TMEM132D: variants seen among roughly 807,000 people sequenced by gnomAD.
TMEM132D encodes the protein transmembrane protein 132D, also known as mature OL transmembrane protein.
Under a neutral mutation model 62.3 loss-of-function variants are expected in TMEM132D, and 21 were observed. The ratio of observed to expected loss-of-function variants is 0.34; its 90% CI spans 0.24 to 0.49. The LOEUF is 0.49. Ranked by LOEUF, TMEM132D falls within the 20% of genes least tolerant of loss-of-function variation. TMEM132D has a pLI of 0.99. For synonymous variants in TMEM132D, 621 were observed against 575.6 expected, an observed-to-expected ratio of 1.08 and a Z score of -1.13; for missense variants, 1,346 against 1,402.8, an observed-to-expected ratio of 0.96 and a Z score of 0.65.
intron 1 of TMEM132D, among the ~76,000 whole-genome samples, chr12:129,732,068 C>T (rs1014785591): frequency 1.3e-5 from 2 of 151,946 alleles, no homozygotes; most frequent in Middle Eastern, 6.3e-3. Flanking sequence ...GCTTCTAATT[C>T]GTAGACTCCT....
At chr12:129,623,476 T>A (rs1306373793) in intron 2 of TMEM132D, among the ~76,000 whole-genome samples, 5 of 152,070 alleles carry the variant, frequency 3.3e-5, no homozygotes, top group Non-Finnish European at 7.3e-5. Flanking sequence ...CCACTCTCTA[T>A]GACTTTGCAT....
intron 2 of TMEM132D, among the ~76,000 whole-genome samples, chr12:129,606,263 T>G (rs145416144): frequency 2.1e-4 from 32 of 152,268 alleles, no homozygotes; most frequent in African/African-American, 6.7e-4. Context: ...TCAAAGGGGC[T>G]TGGGGCAATT....
chr12:129,855,528 G>A (rs1176393948), intron 1 of TMEM132D, among the ~76,000 whole-genome samples: 24 of 19,560 alleles, frequency 1.2e-3, no homozygotes, highest in African/African-American at 5.0e-3. Context: ...AGAGTCCGGG[G>A]GAACGGGATG....
intron 1 of TMEM132D, among the ~76,000 whole-genome samples, chr12:129,896,140 T>TG (rs765861655): frequency 1.3e-5 from 2 of 150,516 alleles, no homozygotes; most frequent in Non-Finnish European, 2.9e-5. Flanking sequence ...TGGCTCATTT[T>TG]TTTTGTTTTG....
At chr12:129,706,190 C>T (rs558301849) in intron 1 of TMEM132D, among the ~76,000 whole-genome samples, 16 of 151,894 alleles carry the variant, frequency 1.1e-4, no homozygotes, top group Middle Eastern at 3.4e-3. Flanking sequence ...CTAAGATTCT[C>T]GAGCTGGCTC....
intron 2 of TMEM132D, among the ~76,000 whole-genome samples, chr12:129,649,434 A>T (rs781522287): frequency 6.6e-6 from 1 of 152,188 alleles, no homozygotes; most frequent in Non-Finnish European, 1.5e-5. Flanking sequence ...AAAATACGGC[A>T]TGAAATGAGA....
rs538178399 is a variant in TMEM132D, at chr12:129,316,802, T to C, written c.1299+20832A>G. 3.4e-5 allele frequency among the ~76,000 whole-genome samples: 5 copies of C among 146,326 alleles called. No homozygotes were observed. The East Asian group carries it at 9.6e-4, about 28-fold the overall frequency. On this transcript the variant is annotated intron_variant, in intron 4 of 8. Coordinates refer to ENST00000422113, the MANE Select transcript of TMEM132D (RefSeq NM_133448.3). ...CTATCTCATTTCTTAGGTCTATTAG[T>C]AATTGTTGTATAAATTTGGGAGCTC...
chr12:129,761,702 G>C (rs574884013), intron 1 of TMEM132D, among the ~76,000 whole-genome samples: 79 of 152,118 alleles, frequency 5.2e-4, no homozygotes, highest in Non-Finnish European at 9.9e-4. Context: ...CTTTCACAGG[G>C]GATTTGGGCT....
At chr12:129,266,486 TC>T (rs1880698422) in intron 4 of TMEM132D, among the ~76,000 whole-genome samples, 1 of 150,118 alleles carries the variant, frequency 6.7e-6, no homozygotes, top group African/African-American at 2.5e-5. Context: ...GCTCCTTCTC[TC>T]CCCTCTTTTT....
chr12:129,627,848 G>A (rs265617), intron 2 of TMEM132D, among the ~76,000 whole-genome samples: 34,234 of 151,890 alleles, frequency 0.23, 4,203 homozygotes, highest in Admixed American at 0.29. Context: ...TTAGCCGGGC[G>A]TGGTGGCGCA....
intron 5 of TMEM132D, among the ~76,000 whole-genome samples, chr12:129,086,201 CGTGTGTGTGT>C (rs1218792744): frequency 5.0e-5 from 7 of 141,038 alleles, no homozygotes; most frequent in African/African-American, 1.9e-4. Flanking sequence ...CACGCGCGCG[CGTGTGTGTGT>C]GTGTGTGTGT....
intron 3 of TMEM132D, among the ~76,000 whole-genome samples, chr12:129,354,949 T>C (rs1472369110): frequency 2.0e-5 from 3 of 152,214 alleles, no homozygotes; most frequent in Non-Finnish European, 4.4e-5. Flanking sequence ...TGTAGGGAAG[T>C]ATGTTATGCA....
intron 5 of TMEM132D, among the ~76,000 whole-genome samples, chr12:129,132,915 A>AC (rs1876420974): frequency 6.6e-6 from 1 of 152,066 alleles, no homozygotes; most frequent in Non-Finnish European, 1.5e-5. Flanking sequence ...AGCTGACTCC[A>AC]CTTCACTCCA....
chr12:129,624,468 G>A (rs985672660), intron 2 of TMEM132D, among the ~76,000 whole-genome samples: 1 of 152,200 alleles, frequency 6.6e-6, no homozygotes, highest in Admixed American at 6.5e-5. Flanking sequence ...CCCAGGTTAG[G>A]AGCTGTGTGG....
chr12:129,873,464 A>G (rs1019642051), intron 1 of TMEM132D, among the ~76,000 whole-genome samples: 4 of 152,228 alleles, frequency 2.6e-5, no homozygotes, highest in Non-Finnish European at 5.9e-5. Flanking sequence ...AACAAACAAT[A>G]GGAATTTAAG....
At chr12:129,772,660 C>T (rs1870794438) in intron 1 of TMEM132D, among the ~76,000 whole-genome samples, 1 of 152,152 alleles carries the variant, frequency 6.6e-6, no homozygotes, top group South Asian at 2.1e-4. Context: ...CTTTCATTTC[C>T]CCTGATAACA....
chr12:129,743,205 T>G (rs1869661482), intron 1 of TMEM132D, among the ~76,000 whole-genome samples: 1 of 152,224 alleles, frequency 6.6e-6, no homozygotes, highest in East Asian at 1.9e-4. Context: ...TTGTTCCTAA[T>G]GATTGTGGCA....
chr12:129,668,462 C>T (rs1880428495), intron 2 of TMEM132D, among the ~76,000 whole-genome samples: 1 of 151,596 alleles, frequency 6.6e-6, no homozygotes, highest in African/African-American at 2.4e-5. Flanking sequence ...ATGTACGACC[C>T]TGACTGCAGG....
chr12:129,667,801 A>C (rs560118649), intron 2 of TMEM132D, among the ~76,000 whole-genome samples: 12 of 152,112 alleles, frequency 7.9e-5, no homozygotes, highest in Non-Finnish European at 1.0e-4. Context: ...ATATTTGTGC[A>C]AATGTGTTGT....
Sources: allele counts gnomAD v4.1 joint callset (sites outside exome capture counted in the v4.1 genomes callset), GRCh38; gene constraint gnomAD v4.1.1; transcripts MANE v1.5; gene names NCBI Gene and HGNC (gene_info 2026-07-23, HGNC 2026-07-21).